The following CACHD1 variants were observed in gnomAD, a reference collection of about 807,000 sequenced individuals.
The protein encoded by CACHD1 is cache domain containing 1, also known as VWFA and cache domain-containing protein 1.
Under a neutral mutation model 138.7 loss-of-function variants are expected in CACHD1, and 71 were observed. The observed-to-expected ratio is 0.51, with a 90% CI of 0.42 to 0.62. The LOEUF (loss-of-function observed/expected upper bound fraction) is 0.62, where lower values mean the gene tolerates loss of function less well. CACHD1 is among the 20% of genes least tolerant of loss of function. The pLI is 0.00. For synonymous variants in CACHD1, 578 were observed against 591.5 expected (o/e 0.98, Z 0.33); for missense variants, 1,389 against 1,625.3 (o/e 0.85, Z 2.50).
Position 64,664,665 on chromosome 1 carries a change from C to T in CACHD1, c.2262C>T (p.Pro754=), listed in dbSNP as rs148936073. The change falls in exon 15 of 27, where the codon CCC becomes CCT. Residue 754 remains proline (P), a synonymous_variant. Transcript: ENST00000651257. The part of the protein sequence containing the change: ...PGSLMDKAFD[P]TRRQWYLHAV... ...CCCTCATGGACAAAGCATTTGATCC[C>T]ACTAGGAGACAATGGTGAGTTTTAG... is the stretch of plus-strand genomic sequence containing the variant. 10 of 1,614,054 alleles carry T rather than the reference C, an allele frequency of 6.2e-6. 1 individual carries two copies. Among genetic ancestry groups the T allele is most frequent in the Non-Finnish European group, 8.5e-6 (10 of 1,179,980 alleles).
rs112976798 is a variant in CACHD1 at position 64,638,688 on chromosome 1, T to G, written c.1007-3132T>G. Among the ~76,000 whole-genome samples, 884 of 152,254 alleles carry G rather than the reference T, an allele frequency of 5.8e-3. 7 individuals carry two copies. The highest frequency in any genetic ancestry group is 0.021 in the African/African-American group (854 of 41,546). ...TTTGATGTTGACCCCAAGACATGCCTGGTGGCTTATAGAGAGACTCAGCAA... is the reference window on the plus strand; with the variant it reads ...TTTGATGTTGACCCCAAGACATGCCGGGTGGCTTATAGAGAGACTCAGCAA... On this transcript the variant is annotated intron_variant, in intron 7 of 26. Transcript: ENST00000651257.
intron 9 of CACHD1, among the ~76,000 whole-genome samples, chr1:64,649,423 AG>A (rs1470012465): frequency 2.0e-5 from 3 of 152,078 alleles, no homozygotes; most frequent in African/African-American, 4.8e-5. Context: ...TCCCACTTTT[AG>A]ATAAGGTTAT....
At chr1:64,565,492 T>A (rs931138418) in intron 2 of CACHD1, among the ~76,000 whole-genome samples, 1 of 152,204 alleles carries the variant, frequency 6.6e-6, no homozygotes, top group South Asian at 2.1e-4. Flanking sequence ...GTGTTTATGT[T>A]TCCTTGATTG....
chr1:64,514,650 T>G (rs1458812382), intron 1 of CACHD1, among the ~76,000 whole-genome samples: 1 of 152,210 alleles, frequency 6.6e-6, no homozygotes, highest in Non-Finnish European at 1.5e-5. Flanking sequence ...ATTTATATTC[T>G]TTTTAGTCTC....
intron 2 of CACHD1, 48 bp from the exon 3 acceptor site, chr1:64,582,108 G>T: frequency 6.3e-7 from 1 of 1,597,200 alleles, no homozygotes; most frequent in Non-Finnish European, 8.6e-7. Context: ...AATACAATGA[G>T]TTATTGTCTT....
chr1:64,601,415 C>G (rs1434958506), intron 3 of CACHD1, among the ~76,000 whole-genome samples: 1 of 152,210 alleles, frequency 6.6e-6, no homozygotes, highest in Non-Finnish European at 1.5e-5. Flanking sequence ...TCTAGACAAA[C>G]TGGAGCAGGT....
rs764619717 is a variant in CACHD1 at position 64,647,989 on chromosome 1, G to A, written c.1345G>A (p.Asp449Asn). The A allele has an allele frequency of 6.2e-7, 1 of 1,613,960 alleles. No homozygotes were observed. Among genetic ancestry groups the A allele is most frequent in the Non-Finnish European group, 8.5e-7 (1 of 1,179,982 alleles). ...CACAAACCTTCCCAACCGGATGATTGATGAAGCCGTCTTCAGCCTGCCCTT... is the reference window on the plus strand; with the variant it reads ...CACAAACCTTCCCAACCGGATGATTAATGAAGCCGTCTTCAGCCTGCCCTT... ...FYTNLPNRMI[D>N]EAVFSLPFSD... Residue 449 changes from aspartate to asparagine, a missense_variant, in exon 9 of 27, where the codon GAT (aspartate) becomes AAT (asparagine). By Grantham distance (23) the Asp-to-Asn change is conservative. Transcript: ENST00000651257.
chr1:64,477,795 C>T (rs1051477880), intron 1 of CACHD1, among the ~76,000 whole-genome samples: 6 of 150,776 alleles, frequency 4.0e-5, no homozygotes, highest in Non-Finnish European at 7.4e-5. Context: ...CCACCGCGCC[C>T]GGCTAATTTT....
chr1:64,616,542 T>C (rs1227492777), intron 4 of CACHD1, among the ~76,000 whole-genome samples: 2 of 152,184 alleles, frequency 1.3e-5, no homozygotes, highest in African/African-American at 4.8e-5. Flanking sequence ...CTATAAAATA[T>C]GCATGCAGAA....
At chr1:64,652,734 C>T (rs2100682345) in intron 10 of CACHD1, among the ~76,000 whole-genome samples, 1 of 152,162 alleles carries the variant, frequency 6.6e-6, no homozygotes, top group East Asian at 1.9e-4. Context: ...ATTAAAAAGT[C>T]AAAAAATAGC....
At chr1:64,507,250 G>A (rs56300783) in intron 1 of CACHD1, among the ~76,000 whole-genome samples, 4 of 152,090 alleles carry the variant, frequency 2.6e-5, no homozygotes, top group African/African-American at 9.7e-5. Context: ...CCCTACTTTC[G>A]TGCCTCTGTT....
chr1:64,480,886 C>CTTTTTTTTTTTTTTTTTTTTTTTTTTTTT (rs530847374), intron 1 of CACHD1, among the ~76,000 whole-genome samples: 3 of 140,584 alleles, frequency 2.1e-5, no homozygotes, highest in African/African-American at 7.9e-5. Flanking sequence ...CTCTCTCTCC[C>CTTTTTTTTTTTTTTTTTTTTTTTTTTTTT]TTTTTTTTTT....
chr1:64,566,226 G>A (rs1646879332), intron 2 of CACHD1, among the ~76,000 whole-genome samples: 1 of 152,118 alleles, frequency 6.6e-6, no homozygotes, highest in Admixed American at 6.5e-5. Context: ...GTGAGGGCGT[G>A]GATTTTTGTC....
chr1:64,652,339 T>C, intron 10 of CACHD1, 29 bp downstream of exon 10: 1 of 1,569,376 alleles, frequency 6.4e-7, no homozygotes, highest in Non-Finnish European at 8.6e-7. Flanking sequence ...ATCCTAAGAA[T>C]ACTTTTTTAG....
At position 64,470,891 on chromosome 1, in the gene CACHD1, G is replaced by T; in HGVS notation, c.147G>T (p.Ala49=). 2 of 1,609,238 alleles carry T rather than the reference G, an allele frequency of 1.2e-6. No individual in the cohort carries two copies. The highest frequency in any genetic ancestry group is 1.3e-5 in the African/African-American group (1 of 74,992). Residue 49 remains alanine (A), a synonymous_variant, in exon 1 of 27, where the codon GCG becomes GCT. Transcript: ENST00000651257. The surrounding 1 kb of genome is among the most constrained non-coding windows in gnomAD (Gnocchi z 5.2). The part of the protein sequence containing the change: ...FSILDEAQVL[A]SQMRRLAAEE... ...TCCTGGACGAGGCGCAAGTGCTGGCGAGCCAGATGCGGAGGCTGGCGGCCG... is the reference window on the plus strand; with the variant it reads ...TCCTGGACGAGGCGCAAGTGCTGGCTAGCCAGATGCGGAGGCTGGCGGCCG...
Position 64,470,915 on chromosome 1 carries a change from C to A in CACHD1, c.171C>A (p.Ala57=), listed in dbSNP as rs769491884. 3.1e-6 allele frequency: 5 copies of A among 1,607,628 alleles called. No individual in the cohort carries two copies. In the East Asian group the frequency reaches 1.1e-4, roughly 36 times the overall value. ...VLASQMRRLA[A]EELGVVTMQR... ...CGAGCCAGATGCGGAGGCTGGCGGC[C>A]GAGGAGCTGGGGGTCGTCACCATGC... The change falls in exon 1 of 27, where the codon GCC becomes GCA. Residue 57 remains alanine, a synonymous_variant. Coordinates refer to ENST00000651257, the MANE Select transcript of CACHD1 (RefSeq NM_020925.4). The surrounding 1 kb of genome is among the most constrained non-coding windows in gnomAD (Gnocchi z 5.2).
rs755369339 is a variant in CACHD1, at chr1:64,664,608, A to C, written c.2205A>C (p.Thr735=). 3 of 1,614,150 alleles carry C rather than the reference A, an allele frequency of 1.9e-6. No individual in the cohort carries two copies. The highest frequency in any genetic ancestry group is 2.5e-6 in the Non-Finnish European group (3 of 1,180,012). The change falls in exon 15 of 27, where the codon ACA becomes ACC. Residue 735 remains threonine, a synonymous_variant. Coordinates refer to ENST00000651257, the MANE Select transcript of CACHD1 (RefSeq NM_020925.4). The stretch of plus-strand genomic sequence containing the variant: ...ACATTGTCCGCCGTTACATAGCAAC[A>C]CCCAATGGCGTCCTCAGAATTTATC... ...NTYIVRRYIA[T]PNGVLRIYPG...
intron 2 of CACHD1, among the ~76,000 whole-genome samples, chr1:64,555,496 T>G (rs933542562): frequency 6.6e-6 from 1 of 152,174 alleles, no homozygotes; most frequent in Non-Finnish European, 1.5e-5. Context: ...CTCAGCTCAC[T>G]GCAACCTCCG....
chr1:64,541,455 A>G (rs1474829134), intron 1 of CACHD1, among the ~76,000 whole-genome samples: 4 of 152,222 alleles, frequency 2.6e-5, no homozygotes, highest in African/African-American at 9.6e-5. Flanking sequence ...TAGCATAGAC[A>G]GTCTTTGCTA....
Sources: gnomAD v4.1 joint callset for allele counts (sites outside exome capture counted in the v4.1 genomes callset) on GRCh38, gnomAD v4.1.1 for gene constraint, Gnocchi (gnomAD v3.1) non-coding constraint, MANE v1.5 for transcripts, NCBI Gene and HGNC (gene_info 2026-07-23, HGNC 2026-07-21) for gene names.